The following ACOXL variants were observed in gnomAD, a reference collection of about 807,000 sequenced individuals.
ACOXL encodes acyl-coenzyme A oxidase-like protein.
Under a neutral mutation model 71.9 loss-of-function variants are expected in ACOXL, and 70 were observed. The observed-to-expected ratio is 0.97, with a 90% confidence interval of 0.80 to 1.19. The LOEUF (loss-of-function observed/expected upper bound fraction) is 1.19. Among genes scored for constraint, ACOXL ranks in the 50% most tolerant of loss-of-function variants. ACOXL has a pLI of 0.00. For synonymous variants in ACOXL, 253 were observed against 281.6 expected, an observed-to-expected ratio of 0.90 and a Z score of 1.02; for missense variants, 703 against 736.3, an observed-to-expected ratio of 0.95 and a Z score of 0.52.
chr2:110,810,208 C>T (rs933137488), intron 9 of ACOXL, among the ~76,000 whole-genome samples: 2 of 152,224 alleles, frequency 1.3e-5, no homozygotes, highest in Admixed American at 1.3e-4. Flanking sequence ...GTAACACGAT[C>T]AGGCCTTTGT....
chr2:110,833,244 C>T (rs763524717), intron 9 of ACOXL, among the ~76,000 whole-genome samples: 18 of 152,128 alleles, frequency 1.2e-4, no homozygotes, highest in Admixed American at 4.6e-4. Context: ...CTCAGCAATA[C>T]GAAGGAATAA....
intron 14 of ACOXL, among the ~76,000 whole-genome samples, chr2:111,003,917 G>A (rs920813131): frequency 6.6e-6 from 1 of 152,146 alleles, no homozygotes; most frequent in Non-Finnish European, 1.5e-5. Context: ...TAAAAGATAT[G>A]ATAAATTAAG....
chr2:110,960,863 GAA>G (rs2061676653), intron 12 of ACOXL, among the ~76,000 whole-genome samples: 2 of 152,148 alleles, frequency 1.3e-5, no homozygotes, highest in Non-Finnish European at 2.9e-5. Flanking sequence ...AGTTACTCAA[GAA>G]GATGGCTGCA....
chr2:110,972,655 A>C (rs1256901116), intron 12 of ACOXL, among the ~76,000 whole-genome samples: 1 of 65,564 alleles, frequency 1.5e-5, no homozygotes, highest in Non-Finnish European at 4.4e-5. Flanking sequence ...ACGTGCACAC[A>C]CACACACACA....
chr2:110,995,821 A>T, intron 13 of ACOXL, 72 bp from the exon 14 acceptor site: 4 of 1,139,330 alleles, frequency 3.5e-6, no homozygotes, highest in Non-Finnish European at 5.3e-6. Flanking sequence ...AAACAAACCT[A>T]CTCTATTTCT....
intron 3 of ACOXL, among the ~76,000 whole-genome samples, chr2:110,791,633 T>C (rs1470558370): frequency 1.3e-5 from 2 of 152,226 alleles, no homozygotes; most frequent in African/African-American, 4.8e-5. Flanking sequence ...CTTCCCAGGA[T>C]ACTTTATGAT....
At chr2:110,734,255 A>G (rs954769774) in intron 1 of ACOXL, among the ~76,000 whole-genome samples, 1 of 152,066 alleles carries the variant, frequency 6.6e-6, no homozygotes, top group Non-Finnish European at 1.5e-5. Flanking sequence ...CCCAAATAAA[A>G]GCTCTTTGGG....
chr2:110,961,872 A>G (rs1015917226), intron 12 of ACOXL, among the ~76,000 whole-genome samples: 1 of 152,132 alleles, frequency 6.6e-6, no homozygotes, highest in African/African-American at 2.4e-5. Flanking sequence ...ATCTTGTGAG[A>G]CTTATTCACT....
intron 9 of ACOXL, among the ~76,000 whole-genome samples, chr2:110,825,386 C>T (rs1302539316): frequency 2.0e-5 from 3 of 152,066 alleles, no homozygotes; most frequent in Non-Finnish European, 4.4e-5. Context: ...TTTGGACTCC[C>T]CTCTATAATC....
chr2:110,991,012 A>C (rs1234250449), intron 13 of ACOXL, among the ~76,000 whole-genome samples: 1 of 151,772 alleles, frequency 6.6e-6, no homozygotes, highest in Non-Finnish European at 1.5e-5. Context: ...TTTTGGGGGG[A>C]GTGGTTTCTT....
chr2:110,793,846 T>C, intron 4 of ACOXL, 110 bp downstream of exon 4: 1 of 1,026,130 alleles, frequency 9.7e-7, no homozygotes, highest in Non-Finnish European at 1.5e-6. Flanking sequence ...AAACAGAATT[T>C]GTATCAGCAA....
intron 15 of ACOXL, among the ~76,000 whole-genome samples, chr2:111,047,326 G>T (rs1317546257): frequency 6.6e-6 from 1 of 152,178 alleles, no homozygotes; most frequent in Non-Finnish European, 1.5e-5. Flanking sequence ...AGAGCTGTCA[G>T]TGAGAATCCA....
chr2:110,815,144 C>T (rs772981185), intron 9 of ACOXL, among the ~76,000 whole-genome samples: 3 of 152,120 alleles, frequency 2.0e-5, no homozygotes, highest in South Asian at 2.1e-4. Context: ...AAGTGCTGAG[C>T]AAAAGGGGTA....
Position 110,977,971 on chromosome 2 carries a change from C to T in ACOXL, c.1060-9137C>T, listed in dbSNP as rs923522605. 6.6e-4 allele frequency among the ~76,000 whole-genome samples: 100 copies of T among 152,262 alleles called. 1 individual carries two copies. The highest frequency in any genetic ancestry group is 2.3e-3 in the African/African-American group (95 of 41,560). The stretch of plus-strand genomic sequence containing the variant: ...CTAAGCCCATCAGCACCAGAGAACA[C>T]CTTCTTGATGACCAGGAACCAATGA... On this transcript the variant is annotated intron_variant, in intron 12 of 17. Transcript: ENST00000439055.
chr2:110,798,969 G>C, intron 6 of ACOXL, 45 bp from the exon 7 acceptor site: 5 of 1,575,078 alleles, frequency 3.2e-6, no homozygotes, highest in Non-Finnish European at 4.4e-6. Context: ...CATGAGTAAA[G>C]CTATAGGAAG....
At chr2:110,949,865 C>T (rs2061257733) in intron 12 of ACOXL, among the ~76,000 whole-genome samples, 1 of 152,130 alleles carries the variant, frequency 6.6e-6, no homozygotes, top group African/African-American at 2.4e-5. Context: ...GTTCTACAGG[C>T]CTTCCAAACT....
intron 16 of ACOXL, among the ~76,000 whole-genome samples, chr2:111,078,035 A>T (rs2067691496): frequency 6.6e-6 from 1 of 152,152 alleles, no homozygotes. Flanking sequence ...TTCCAATGAC[A>T]TGAAGGTTAG....
chr2:110,745,701 G>A lies in ACOXL; in HGVS notation c.-23+12927G>A, dbSNP rs114631439. On this transcript the variant is annotated intron_variant, in intron 1 of 17. Coordinates refer to ENST00000439055, the MANE Select transcript of ACOXL (RefSeq NM_001142807.4). ...TTGTTTTTCTGGGTAGACGCTTGCC[G>A]ACTGATTCCAAATGAAAATATTACC... Among the ~76,000 whole-genome samples the A allele has an allele frequency of 4.3e-3, 659 of 152,286 alleles. 2 individuals are homozygous for A. Among genetic ancestry groups the A allele is most frequent in the Non-Finnish European group, 7.8e-3 (531 of 68,036 alleles).
At chr2:111,070,431 G>A (rs1455398138) in intron 16 of ACOXL, among the ~76,000 whole-genome samples, 1 of 152,164 alleles carries the variant, frequency 6.6e-6, no homozygotes, top group East Asian at 1.9e-4. Flanking sequence ...AGTACCACAT[G>A]CTCTCACTTA....
Sources: gnomAD v4.1 joint callset for allele counts (sites outside exome capture counted in the v4.1 genomes callset) on GRCh38, gnomAD v4.1.1 for gene constraint, MANE v1.5 for transcripts, NCBI Gene and HGNC (gene_info 2026-07-23, HGNC 2026-07-21) for gene names.